Variants in GUCY1A1 observed in about 807,000 individuals in gnomAD.
The protein encoded by GUCY1A1 is guanylate cyclase 1 soluble subunit alpha 1, also known as guanylate cyclase soluble subunit alpha-1.
In GUCY1A1, 48 loss-of-function variants were observed where a neutral mutation model predicts 64.5. That is an observed-to-expected ratio of 0.74 (90% CI 0.59 to 0.95). The LOEUF (loss-of-function observed/expected upper bound fraction) is 0.95. GUCY1A1 is among the 40% of genes least tolerant of loss of function. The pLI is 0.00. For missense variants in GUCY1A1, 804 were observed against 825.3 expected (o/e 0.97, Z 0.32); for synonymous variants, 308 against 303.4 (o/e 1.02, Z -0.16).
At chr4:155,715,474 G>C (rs1407874981) in intron 7 of GUCY1A1, among the ~76,000 whole-genome samples, 2 of 152,200 alleles carry the variant, frequency 1.3e-5, no homozygotes, top group Non-Finnish European at 2.9e-5. Context: ...TGGGTGCGCA[G>C]TGGCTACAGA....
chr4:155,689,104 A>G (rs567186341), intron 2 of GUCY1A1, among the ~76,000 whole-genome samples: 14 of 151,128 alleles, frequency 9.3e-5, no homozygotes, highest in African/African-American at 3.2e-4. Flanking sequence ...CCCTAGCGAT[A>G]GATGTGCCTG....
chr4:155,668,573 T>A lies in GUCY1A1; in HGVS notation c.-113+1154T>A, dbSNP rs185243029. Reference sequence around the variant, plus strand: ...AACTGTCTTTGTACAAACGTCAAACTTTCCTGTTACATATGGGTAAGCATA... The same window carrying A: ...AACTGTCTTTGTACAAACGTCAAACATTCCTGTTACATATGGGTAAGCATA... On this transcript the variant is annotated intron_variant, in intron 2 of 9. Transcript: ENST00000506455. 2.0e-5 allele frequency among the ~76,000 whole-genome samples: 3 copies of A among 152,388 alleles called. No homozygotes were observed. In the East Asian group the frequency reaches 5.8e-4, roughly 29 times the overall value.
intron 2 of GUCY1A1, among the ~76,000 whole-genome samples, chr4:155,686,389 G>C (rs890251605): frequency 6.6e-6 from 1 of 152,204 alleles, no homozygotes; most frequent in African/African-American, 2.4e-5. Flanking sequence ...GCTGAAGCAG[G>C]AGAATGACTT....
At chr4:155,684,265 T>G (rs1204003224) in intron 2 of GUCY1A1, among the ~76,000 whole-genome samples, 13 of 152,226 alleles carry the variant, frequency 8.5e-5, no homozygotes, top group Admixed American at 7.9e-4. Context: ...ATATGGACTT[T>G]GCAAGCATCC....
intron 2 of GUCY1A1, among the ~76,000 whole-genome samples, chr4:155,673,306 C>A (rs181443338): frequency 6.6e-6 from 1 of 151,606 alleles, no homozygotes; most frequent in Admixed American, 6.5e-5. Flanking sequence ...ACACACACTC[C>A]TTGACTTGAA....
intron 2 of GUCY1A1, among the ~76,000 whole-genome samples, chr4:155,692,355 T>C (rs1300765171): frequency 2.0e-5 from 3 of 152,120 alleles, no homozygotes; most frequent in African/African-American, 4.8e-5. Flanking sequence ...CTTTAGGTCT[T>C]TGAGGAATTG....
chr4:155,713,645 G>C (rs902719173), intron 7 of GUCY1A1, 62 bp downstream of exon 7: 1 of 1,552,220 alleles, frequency 6.4e-7, no homozygotes, highest in Admixed American at 1.8e-5. Flanking sequence ...CAAGCACTGT[G>C]CCTAGGACCT....
chr4:155,699,513 G>A (rs970363896), intron 3 of GUCY1A1, among the ~76,000 whole-genome samples: 3 of 152,290 alleles, frequency 2.0e-5, no homozygotes, highest in East Asian at 3.9e-4. Context: ...TCATGTAACA[G>A]AGAGGGCAAG....
At chr4:155,722,605 A>T in intron 9 of GUCY1A1, 1 of 206,786 alleles carries the variant, frequency 4.8e-6, no homozygotes, top group Non-Finnish European at 8.5e-6. Context: ...CTTAATTCAG[A>T]TGCCAGCCAC....
At chr4:155,674,505 G>A (rs560147231) in intron 2 of GUCY1A1, among the ~76,000 whole-genome samples, 7 of 151,296 alleles carry the variant, frequency 4.6e-5, no homozygotes, top group East Asian at 3.9e-4. Flanking sequence ...CAGCATCTTC[G>A]TTCTTTATAT....
intron 2 of GUCY1A1, among the ~76,000 whole-genome samples, chr4:155,690,312 T>C (rs1165951525): frequency 6.6e-6 from 1 of 152,176 alleles, no homozygotes; most frequent in Non-Finnish European, 1.5e-5. Flanking sequence ...GCGGATTCTC[T>C]CTCAGAATTA....
chr4:155,687,875 G>C (rs1729197557), intron 2 of GUCY1A1, among the ~76,000 whole-genome samples: 1 of 151,984 alleles, frequency 6.6e-6, no homozygotes, highest in South Asian at 2.1e-4. Context: ...AAATTATGAA[G>C]TCTCTGTCAT....
At chr4:155,716,884 T>A (rs1733310484) in intron 7 of GUCY1A1, among the ~76,000 whole-genome samples, 1 of 152,146 alleles carries the variant, frequency 6.6e-6, no homozygotes, top group Non-Finnish European at 1.5e-5. Context: ...TGAAATGATA[T>A]GATGAGTCAG....
chr4:155,723,560 C>T (rs1734249327), intron 9 of GUCY1A1, among the ~76,000 whole-genome samples: 1 of 152,130 alleles, frequency 6.6e-6, no homozygotes, highest in South Asian at 2.1e-4. Context: ...CTAAATTATA[C>T]TAAGCAAGTT....
rs1579103479 is a variant in GUCY1A1 at position 155,717,153 on chromosome 4, G to T, written c.1573-6G>T. ...ATTTATAGTATGGAAAATATATTATGTCTAGGTGGAGACCATTGGCGATGC... is the reference window on the plus strand; with the variant it reads ...ATTTATAGTATGGAAAATATATTATTTCTAGGTGGAGACCATTGGCGATGC... On this transcript the variant is annotated splice_region_variant and splice_polypyrimidine_tract_variant and intron_variant, in intron 7 of 9. Coordinates refer to ENST00000506455, the MANE Select transcript of GUCY1A1 (RefSeq NM_001130682.3). 6.9e-7 allele frequency: 1 copy of T among 1,445,348 alleles called. No homozygotes were observed. The highest frequency in any genetic ancestry group is 9.2e-7 in the Non-Finnish European group (1 of 1,082,960). 89.5% of individuals were successfully genotyped at this position (1,445,348 alleles called of 1,614,324 possible). A position where few individuals can be genotyped will look rare whatever the true frequency, so the allele number is the denominator to read the frequency against.
At chr4:155,712,333 T>C (rs1462749443) in intron 6 of GUCY1A1, among the ~76,000 whole-genome samples, 3 of 152,182 alleles carry the variant, frequency 2.0e-5, no homozygotes, top group Non-Finnish European at 1.5e-5. Context: ...AGTTTCGCCA[T>C]GTTGGCCAGG....
chr4:155,677,550 A>T (rs1048524820), intron 2 of GUCY1A1, among the ~76,000 whole-genome samples: 27 of 152,226 alleles, frequency 1.8e-4, no homozygotes, highest in African/African-American at 6.5e-4. Context: ...ATCCATCCTT[A>T]AATATAAGAA....
chr4:155,715,938 T>G (rs1263478663), intron 7 of GUCY1A1, among the ~76,000 whole-genome samples: 1 of 151,988 alleles, frequency 6.6e-6, no homozygotes, highest in African/African-American at 2.4e-5. Context: ...AGAAGGGCAG[T>G]GGGTAAGGGG....
At chr4:155,683,312 T>C (rs1579017471) in intron 2 of GUCY1A1, among the ~76,000 whole-genome samples, 1 of 152,060 alleles carries the variant, frequency 6.6e-6, no homozygotes, top group East Asian at 1.9e-4. Flanking sequence ...TTTACAGAGG[T>C]GTGTTTGTGT....
Sources: allele counts gnomAD v4.1 joint callset (sites outside exome capture counted in the v4.1 genomes callset), GRCh38; gene constraint gnomAD v4.1.1; transcripts MANE v1.5; gene names NCBI Gene and HGNC (gene_info 2026-07-23, HGNC 2026-07-21).